The following PCDHGA12 variants were observed in gnomAD, a reference collection of about 807,000 sequenced individuals.
The protein encoded by PCDHGA12 is protocadherin gamma-A12.
PCDHGA12 carries 43 observed loss-of-function variants against 61.1 expected under a neutral mutation model. The ratio of observed to expected loss-of-function variants is 0.70; its 90% CI spans 0.55 to 0.91. PCDHGA12 has a LOEUF of 0.91. PCDHGA12 is among the 40% of genes least tolerant of loss of function. PCDHGA12 has a pLI of 0.00. For missense variants in PCDHGA12, 1,236 were observed against 1,227.7 expected, an observed-to-expected ratio of 1.01 and a Z score of -0.10; for synonymous variants, 520 against 542.9, an observed-to-expected ratio of 0.96 and a Z score of 0.59.
At chr5:141,501,926 C>T (rs1388315216) in intron 2 of PCDHGA12, among the ~76,000 whole-genome samples, 1 of 152,126 alleles carries the variant, frequency 6.6e-6, no homozygotes, top group African/African-American at 2.4e-5. Flanking sequence ...AGCTTTGTTC[C>T]CTCAACACCA....
At chr5:141,501,312 C>T (rs2099807672) in intron 2 of PCDHGA12, among the ~76,000 whole-genome samples, 1 of 151,778 alleles carries the variant, frequency 6.6e-6, no homozygotes, top group South Asian at 2.1e-4. Context: ...CACACACACA[C>T]ACACACACAC....
intron 1 of PCDHGA12, among the ~76,000 whole-genome samples, chr5:141,439,024 T>C (rs1278127532): frequency 2.0e-5 from 3 of 151,510 alleles, no homozygotes; most frequent in African/African-American, 7.3e-5. Flanking sequence ...ATTTTGAAAA[T>C]AGATGCCTCA....
intron 1 of PCDHGA12, among the ~76,000 whole-genome samples, chr5:141,450,685 C>T (rs542985781): frequency 6.6e-6 from 1 of 152,020 alleles, no homozygotes; most frequent in South Asian, 2.1e-4. Context: ...CGGGGTTTTG[C>T]CATGTTGCCC....
chr5:141,472,164 G>C (rs2099273083), intron 1 of PCDHGA12, among the ~76,000 whole-genome samples: 1 of 152,158 alleles, frequency 6.6e-6, no homozygotes, highest in Non-Finnish European at 1.5e-5. Flanking sequence ...TAGCTACTAG[G>C]TGTAATATCC....
In PCDHGA12 at chr5:141,432,866, G is replaced by C. The variant is rs139832920; in HGVS notation, c.2107G>C (p.Val703Leu). 8 of 1,614,152 alleles carry C rather than the reference G, an allele frequency of 5.0e-6. No individual in the cohort carries two copies. Among genetic ancestry groups the C allele is most frequent in the South Asian group, 2.2e-5 (2 of 91,074 alleles). The change falls in exon 1 of 4, where the codon GTC becomes CTC. Residue 703 changes from valine (V) to leucine (L), a missense_variant. By Grantham distance (32) the Val-to-Leu change is conservative. Coordinates refer to ENST00000252085, the MANE Select transcript of PCDHGA12 (RefSeq NM_003735.3). The surrounding 1 kb of genome is among the most constrained non-coding windows in gnomAD (Gnocchi z 6.0). ...GGTAGCGGTGGCCGCGGTCTCCTGC[G>C]TCTTCCTGGCCTTCGTCATCTTGCT... ...LVVAVAAVSC[V>L]FLAFVILLLA...
intron 1 of PCDHGA12, chr5:141,468,401 C>G (rs943048252): frequency 6.7e-6 from 1 of 149,126 alleles, no homozygotes; most frequent in Non-Finnish European, 1.5e-5. Flanking sequence ...TTGGTGAGAA[C>G]TAATAATAAG....
chr5:141,511,489 A>G lies in PCDHGA12; in HGVS notation c.*316A>G. 2.3e-6 allele frequency: 1 copy of G among 435,688 alleles called. No individual in the cohort carries two copies. Among genetic ancestry groups the G allele is most frequent in the Non-Finnish European group, 4.2e-6 (1 of 239,908 alleles). The allele number at this position is 435,688 out of a possible 1,614,324, so 27.0% of individuals were successfully genotyped here. ...CGTTTAGTTACAGCTGAACTCCTCC[A>G]TCTTCCAAATCAATCAGGCCCATCC... On this transcript the variant is annotated 3_prime_UTR_variant, in exon 4 of 4. Coordinates refer to ENST00000252085, the MANE Select transcript of PCDHGA12 (RefSeq NM_003735.3).
rs1485167379 is a variant in PCDHGA12, at chr5:141,485,881, C to T, written c.2425-8926C>T. 5.0e-6 allele frequency: 8 copies of T among 1,613,984 alleles called. No homozygotes were observed. Among genetic ancestry groups the T allele is most frequent in the East Asian group, 2.2e-5 (1 of 44,880 alleles). On this transcript the variant is annotated intron_variant, in intron 1 of 3. Transcript: ENST00000252085. The surrounding 1 kb of genome is among the most constrained non-coding windows in gnomAD (Gnocchi z 5.7). ...TCCGGGTATCCGTGCTGGACGTAAACGACAACGCCCCAGCCTTCCAGCAAT... is the reference window on the plus strand; with the variant it reads ...TCCGGGTATCCGTGCTGGACGTAAATGACAACGCCCCAGCCTTCCAGCAAT...
At chr5:141,483,918 T>G (rs2099588800) in intron 1 of PCDHGA12, among the ~76,000 whole-genome samples, 1 of 150,512 alleles carries the variant, frequency 6.6e-6, no homozygotes, top group Non-Finnish European at 1.5e-5. Flanking sequence ...CCACTCAGAT[T>G]GCAGGTCGTA....
At chr5:141,472,411 C>T (rs747412647) in intron 1 of PCDHGA12, among the ~76,000 whole-genome samples, 9 of 151,918 alleles carry the variant, frequency 5.9e-5, no homozygotes, top group Admixed American at 3.3e-4. Flanking sequence ...CGTGGTGGCA[C>T]GCACCTGTAT....
intron 3 of PCDHGA12, among the ~76,000 whole-genome samples, chr5:141,506,116 A>T: frequency 6.6e-6 from 1 of 152,136 alleles, no homozygotes; most frequent in East Asian, 1.9e-4. Flanking sequence ...AAGAGTCACT[A>T]GGGCCCAGAG....
rs1304361659 is a variant in PCDHGA12 at position 141,494,859 on chromosome 5, C to T, written c.2477C>T (p.Thr826Ile). 2 of 1,614,134 alleles carry T rather than the reference C, an allele frequency of 1.2e-6. No individual in the cohort carries two copies. The highest frequency in any genetic ancestry group is 8.5e-7 in the Non-Finnish European group (1 of 1,180,012). Reference protein sequence around the residue: ...WRFSQAQRPGTSGSQNGDDTG... With the variant: ...WRFSQAQRPGISGSQNGDDTG... Reference sequence around the variant, plus strand: ...TTCTCTCAGGCCCAGAGACCCGGCACCAGCGGGTAGGTGACTGATTCTCCA... The same window carrying T: ...TTCTCTCAGGCCCAGAGACCCGGCATCAGCGGGTAGGTGACTGATTCTCCA... Residue 826 changes from threonine to isoleucine, a missense_variant, in exon 2 of 4, where the codon ACC becomes ATC. By Grantham distance (89) the Thr-to-Ile change is moderately conservative. Coordinates refer to ENST00000252085, the MANE Select transcript of PCDHGA12 (RefSeq NM_003735.3).
rs769909773 is a variant in PCDHGA12 at position 141,476,732 on chromosome 5, C to T, written c.2425-18075C>T. The T allele has an allele frequency of 8.7e-6, 14 of 1,614,096 alleles. No homozygotes were observed. Among genetic ancestry groups the T allele is most frequent in the Non-Finnish European group, 1.1e-5 (13 of 1,180,030 alleles). ...GTTGGAGCGCGCCCTGGACCGAGAA[C>T]GGGAGCCTAGTCTCCAGTTAGTGCT... is the stretch of plus-strand genomic sequence containing the variant. On this transcript the variant is annotated intron_variant, in intron 1 of 3. Coordinates refer to ENST00000252085, the MANE Select transcript of PCDHGA12 (RefSeq NM_003735.3). The surrounding 1 kb of genome is among the most constrained non-coding windows in gnomAD (Gnocchi z 7.6).
At chr5:141,467,214 G>A (rs1333148694) in intron 1 of PCDHGA12, among the ~76,000 whole-genome samples, 1 of 151,856 alleles carries the variant, frequency 6.6e-6, no homozygotes, top group Admixed American at 6.6e-5. Context: ...CACCATGCCT[G>A]GCTAATTTTT....
chr5:141,499,138 G>A (rs765607930), intron 2 of PCDHGA12, among the ~76,000 whole-genome samples: 12 of 152,144 alleles, frequency 7.9e-5, no homozygotes, highest in Non-Finnish European at 1.5e-4. Flanking sequence ...TCCTTTGGGT[G>A]TCTGATCCCA....
chr5:141,486,169 A>T lies in PCDHGA12; in HGVS notation c.2425-8638A>T. On this transcript the variant is annotated intron_variant, in intron 1 of 3. Transcript: ENST00000252085. The surrounding 1 kb of genome is among the most constrained non-coding windows in gnomAD (Gnocchi z 5.0). ...ATGGGGGTTCTCCAGCCATGGAGCA[A>T]CATTGCAGCCTTCGAGTGGATCTGC... 1 of 1,614,206 alleles carries T rather than the reference A, an allele frequency of 6.2e-7. No homozygotes were observed. Among genetic ancestry groups the T allele is most frequent in the Non-Finnish European group, 8.5e-7 (1 of 1,180,032 alleles).
In PCDHGA12 at chr5:141,431,775, A is replaced by T; in HGVS notation, c.1016A>T (p.Asp339Val). 6.2e-7 allele frequency: 1 copy of T among 1,614,204 alleles called. No homozygotes were observed. Among genetic ancestry groups the T allele is most frequent in the Non-Finnish European group, 8.5e-7 (1 of 1,180,024 alleles). ...ARAKVLITVLDVNDNAPEVVL... is the reference protein window; with the variant it reads ...ARAKVLITVLVVNDNAPEVVL... ...GCCAAAGTCCTGATCACTGTTCTGG[A>T]CGTGAACGACAATGCCCCAGAAGTG... Residue 339 changes from aspartate to valine, a missense_variant, in exon 1 of 4, where the codon GAC (aspartate) becomes GTC (valine). Transcript: ENST00000252085. This position sits in a 1 kb window ranked among gnomAD's most constrained non-coding sequence, Gnocchi z 4.8.
Position 141,431,919 on chromosome 5 carries a change from A to C in PCDHGA12, c.1160A>C (p.Gln387Pro), listed in dbSNP as rs2097428718. The C allele has an allele frequency of 7.4e-6, 12 of 1,614,040 alleles. No individual in the cohort carries two copies. Among genetic ancestry groups the C allele is most frequent in the Non-Finnish European group, 1.0e-5 (12 of 1,179,980 alleles). Residue 387 changes from glutamine (Q) to proline (P), a missense_variant, in exon 1 of 4, where the codon CAA becomes CCA. Transcript: ENST00000252085. This position sits in a 1 kb window ranked among gnomAD's most constrained non-coding sequence, Gnocchi z 4.8. The part of the protein sequence containing the change: ...EENGQVICFI[Q>P]GNLPFKLEKS... ...AACGGACAGGTGATCTGTTTCATCC[A>C]AGGAAATCTGCCCTTTAAATTAGAA... is the stretch of plus-strand genomic sequence containing the variant.
At chr5:141,496,373 C>T (rs1315450867) in intron 2 of PCDHGA12, among the ~76,000 whole-genome samples, 2 of 152,216 alleles carry the variant, frequency 1.3e-5, no homozygotes. Flanking sequence ...GAAGCAGGAG[C>T]TTGGGCCACC....
Sources: allele counts gnomAD v4.1 joint callset (sites outside exome capture counted in the v4.1 genomes callset), GRCh38; gene constraint gnomAD v4.1.1; non-coding constraint Gnocchi (gnomAD v3.1); transcripts MANE v1.5; gene names NCBI Gene and HGNC (gene_info 2026-07-23, HGNC 2026-07-21).